The following PPDPFL variants were observed in gnomAD, a reference collection of about 807,000 sequenced individuals.
PPDPFL encodes the protein pancreatic progenitor cell differentiation and proliferation factor-like protein.
Under a neutral mutation model 12.6 loss-of-function variants are expected in PPDPFL, and 12 were observed. The observed-to-expected ratio is 0.95, with a 90% CI of 0.61 to 1.54. PPDPFL has a LOEUF of 1.54. Among genes scored for constraint, PPDPFL ranks in the 40% most tolerant of loss-of-function variants. The pLI, the probability that PPDPFL is intolerant of heterozygous loss-of-function variation, is 0.00. For missense variants in PPDPFL, 114 were observed against 96.0 expected (o/e 1.19, Z -0.78); for synonymous variants, 24 against 32.7 (o/e 0.73, Z 0.91).
intron 1 of PPDPFL, among the ~76,000 whole-genome samples, chr8:49,063,243 C>G (rs1487135387): frequency 2.0e-5 from 3 of 152,170 alleles, no homozygotes; most frequent in Non-Finnish European, 4.4e-5. Flanking sequence ...CAATCCATGG[C>G]TGGCAGAACA....
chr8:49,066,397 G>A (rs1170881851), intron 1 of PPDPFL, among the ~76,000 whole-genome samples: 2 of 152,134 alleles, frequency 1.3e-5, no homozygotes, highest in African/African-American at 4.8e-5. Context: ...TCTGCCTGTG[G>A]TGTGACTTGG....
Position 49,072,786 on chromosome 8 carries a change from G to C in PPDPFL, c.-44-1G>C, listed in dbSNP as rs1808415280. On this transcript the variant is annotated splice_acceptor_variant, in intron 1 of 4. Coordinates refer to ENST00000522267, the MANE Select transcript of PPDPFL (RefSeq NM_001256597.2). LOFTEE classifies it low-confidence loss of function (5UTR_SPLICE). Reference sequence around the variant, plus strand: ...GTCTCTTTTCTCTGTCGCTGTTTCAGATTAATGCTCACAGCTTCTTGGGTG... The same window carrying C: ...GTCTCTTTTCTCTGTCGCTGTTTCACATTAATGCTCACAGCTTCTTGGGTG... The C allele has an allele frequency of 6.7e-7, 1 of 1,502,470 alleles. No individual in the cohort carries two copies. The highest frequency in any genetic ancestry group is 1.4e-5 in the African/African-American group (1 of 70,400). The allele number at this position is 1,502,470 out of a possible 1,614,324, so 93.1% of individuals were successfully genotyped here. A position where few individuals can be genotyped will look rare whatever the true frequency, so the allele number is the denominator to read the frequency against.
chr8:49,067,285 C>T (rs1046590263), intron 1 of PPDPFL, among the ~76,000 whole-genome samples: 6 of 152,152 alleles, frequency 3.9e-5, no homozygotes, highest in Admixed American at 3.3e-4. Context: ...AATGCAGATT[C>T]CCATGTGTTT....
rs1231195277 is a variant in PPDPFL at position 49,074,477 on chromosome 8, G to A, written c.233+144G>A. On this transcript the variant is annotated intron_variant, in intron 4 of 4. Transcript: ENST00000522267. ...TGCCTATGAAGCGCACCTGAGGGATGAGGGTGGCACTAACAGAGCTCCCTC... is the reference window on the plus strand; with the variant it reads ...TGCCTATGAAGCGCACCTGAGGGATAAGGGTGGCACTAACAGAGCTCCCTC... 5 of 1,540,394 alleles carry A rather than the reference G, an allele frequency of 3.2e-6. No individual in the cohort carries two copies. In the Admixed American group the frequency reaches 5.9e-5, roughly 18 times the overall value.
At chr8:49,064,421 T>C (rs2129244466) in intron 1 of PPDPFL, among the ~76,000 whole-genome samples, 1 of 152,182 alleles carries the variant, frequency 6.6e-6, no homozygotes, top group Non-Finnish European at 1.5e-5. Context: ...TTACCTTCCT[T>C]GTATAAGTTT....
chr8:49,063,234 A>C (rs1808241337), intron 1 of PPDPFL, among the ~76,000 whole-genome samples: 1 of 152,182 alleles, frequency 6.6e-6, no homozygotes, highest in African/African-American at 2.4e-5. Context: ...ACATGGGCAC[A>C]ATCCATGGCT....
At chr8:49,068,639 G>T (rs1311921169), upstream of PPDPFL, among the ~76,000 whole-genome samples, 1 of 152,096 alleles carries the variant, frequency 6.6e-6, no homozygotes, top group Non-Finnish European at 1.5e-5. Flanking sequence ...ACATACATAT[G>T]TATGTATTTG....
At chr8:49,070,408 C>T (rs563980894), upstream of PPDPFL, among the ~76,000 whole-genome samples, 4 of 152,292 alleles carry the variant, frequency 2.6e-5, no homozygotes, top group Admixed American at 6.5e-5. Flanking sequence ...GAAAGTCTTA[C>T]ACTTTTGGAA....
rs746411447 is a variant in PPDPFL at position 49,074,100 on chromosome 8, T to A, written c.97T>A (p.Ser33Thr). The change falls in exon 3 of 5, where the codon TCT becomes ACT. Residue 33 changes from serine to threonine, a missense_variant. Transcript: ENST00000522267. ...AGTTAGTTCTTTAACTAGCTCTGAT[T>A]CTGTTAACTTCATAGATGACGACAA... ...SSVSSLTSSD[S>T]VNFIDDDKPQ... 4.3e-6 allele frequency: 7 copies of A among 1,613,188 alleles called. No homozygotes were observed. In the Admixed American group the frequency reaches 8.3e-5, roughly 19 times the overall value.
intron 1 of PPDPFL, among the ~76,000 whole-genome samples, chr8:49,064,111 G>A (rs1304221611): frequency 2.0e-5 from 3 of 152,134 alleles, no homozygotes; most frequent in Admixed American, 6.5e-5. Context: ...CTGGTACCAT[G>A]TGGCTTAAGA....
chr8:49,074,944 A>G (rs1808465754), intron 4 of PPDPFL: 1 of 1,373,924 alleles, frequency 7.3e-7, no homozygotes, highest in East Asian at 2.5e-5. Flanking sequence ...AAATATAGTG[A>G]TTCTGATGAA....
intron 2 of PPDPFL, among the ~76,000 whole-genome samples, 154 bp downstream of exon 2, chr8:49,073,039 T>C (rs1808420977): frequency 6.6e-6 from 1 of 152,248 alleles, no homozygotes; most frequent in African/African-American, 2.4e-5. Flanking sequence ...GGGACTTCTC[T>C]GATCCAGTGC....
intron 4 of PPDPFL, chr8:49,074,761 T>C: frequency 7.0e-7 from 1 of 1,438,316 alleles, no homozygotes. Context: ...CAGGTTGAAT[T>C]GGGAGTTTGT....
Position 49,057,037 on chromosome 8 carries a change from A to G in PPDPFL, c.-45+2668A>G, listed in dbSNP as rs75575017. Among the ~76,000 whole-genome samples, 446 of 152,284 alleles carry G rather than the reference A, an allele frequency of 2.9e-3. 2 individuals are homozygous for G. The highest frequency in any genetic ancestry group is 0.01 in the African/African-American group (423 of 41,558). On this transcript the variant is annotated intron_variant, in intron 1 of 4. Coordinates refer to the PPDPFL transcript ENST00000517663. ...GACTTGAAATCACTTGGTGATTATTATTGCAAACTTGGTATTCAAACTTTG... is the reference window on the plus strand; with the variant it reads ...GACTTGAAATCACTTGGTGATTATTGTTGCAAACTTGGTATTCAAACTTTG...
chr8:49,063,953 A>G (rs1324510747), intron 1 of PPDPFL, among the ~76,000 whole-genome samples: 1 of 152,212 alleles, frequency 6.6e-6, no homozygotes, highest in East Asian at 1.9e-4. Context: ...ACAAAATGCT[A>G]CCCATTAAGA....
At chr8:49,055,022 A>G (rs1214830584) in intron 1 of PPDPFL, among the ~76,000 whole-genome samples, 1 of 152,062 alleles carries the variant, frequency 6.6e-6, no homozygotes, top group Non-Finnish European at 1.5e-5. Flanking sequence ...TGCTTCAGAA[A>G]CCTCAAGCTC....
At chr8:49,056,615 A>G (rs1163373810) in intron 1 of PPDPFL, among the ~76,000 whole-genome samples, 1 of 152,206 alleles carries the variant, frequency 6.6e-6, no homozygotes, top group East Asian at 1.9e-4. Flanking sequence ...AGTTACTACT[A>G]TCTGTGCAGT....
At chr8:49,068,942 G>GA (rs550618602), upstream of PPDPFL, among the ~76,000 whole-genome samples, 23 of 152,112 alleles carry the variant, frequency 1.5e-4, no homozygotes, top group Middle Eastern at 3.4e-3. Context: ...ATATCATTAG[G>GA]AAAAAATACA....
At chr8:49,072,912 C>T (rs1275110417) in intron 2 of PPDPFL, 27 bp downstream of exon 2, 6 of 1,572,540 alleles carry the variant, frequency 3.8e-6, no homozygotes, top group Non-Finnish European at 5.2e-6. Context: ...TAGAGACGTC[C>T]CTAGATAATA....
Sources: gnomAD v4.1 joint callset for allele counts (sites outside exome capture counted in the v4.1 genomes callset) on GRCh38, gnomAD v4.1.1 for gene constraint, MANE v1.5 for transcripts, NCBI Gene and HGNC (gene_info 2026-07-23, HGNC 2026-07-21) for gene names.